CDYL2: variants seen among roughly 807,000 people sequenced by gnomAD.
CDYL2 encodes the protein chromodomain Y like 2, also known as chromodomain Y-like protein 2.
Under a neutral mutation model 49.4 loss-of-function variants are expected in CDYL2, and 23 were observed. The observed-to-expected ratio is 0.47, with a 90% CI of 0.34 to 0.66. The LOEUF (loss-of-function observed/expected upper bound fraction) is 0.66, where lower values mean the gene tolerates loss of function less well. Ranked by LOEUF, CDYL2 falls within the 30% of genes least tolerant of loss-of-function variation. The pLI, the probability that CDYL2 is intolerant of heterozygous loss-of-function variation, is 0.01. For missense variants in CDYL2, 678 were observed against 656.4 expected (o/e 1.03, Z -0.36); for synonymous variants, 360 against 268.8 (o/e 1.34, Z -3.32).
Position 80,608,216 on chromosome 16 carries a change from C to T in CDYL2, c.1238G>A (p.Cys413Tyr). The change falls in exon 6 of 7, where the codon TGT becomes TAT. Residue 413 changes from cysteine to tyrosine, a missense_variant. By Grantham distance (194) the Cys-to-Tyr change is radical. This residue lies in a region of CDYL2 where 153 missense variants were observed against 150.6 expected (regional missense o/e 1.02). Coordinates refer to ENST00000570137, the MANE Select transcript of CDYL2 (RefSeq NM_152342.4). ...GVALANEMLF[C>Y]GRKLTAQEAC... Reference sequence around the variant, plus strand: ...CTCCTGGGCGGTGAGCTTCCGCCCACAGAACAGCATCTCATTGGCCTGAAA... The same window carrying T: ...CTCCTGGGCGGTGAGCTTCCGCCCATAGAACAGCATCTCATTGGCCTGAAA... The T allele has an allele frequency of 1.3e-6, 2 of 1,583,520 alleles. No homozygotes were observed. The highest frequency in any genetic ancestry group is 1.7e-6 in the Non-Finnish European group (2 of 1,163,988).
chr16:80,773,694 C>A (rs1906985204), intron 1 of CDYL2, among the ~76,000 whole-genome samples: 2 of 151,656 alleles, frequency 1.3e-5, no homozygotes, highest in Non-Finnish European at 2.9e-5. Flanking sequence ...TACGTCGAAA[C>A]AAAAATGGAA....
chr16:80,773,547 G>A (rs954324986), intron 1 of CDYL2, among the ~76,000 whole-genome samples: 9 of 152,222 alleles, frequency 5.9e-5, no homozygotes, highest in African/African-American at 2.2e-4. Context: ...TTTACAAAAA[G>A]TAGTCCCACA....
At chr16:80,788,344 G>C (rs1356054551) in intron 1 of CDYL2, among the ~76,000 whole-genome samples, 3 of 152,184 alleles carry the variant, frequency 2.0e-5, no homozygotes, top group Non-Finnish European at 4.4e-5. Context: ...CATCCATTCA[G>C]ATTCAAAGAG....
chr16:80,656,391 C>T (rs537198873), intron 2 of CDYL2, among the ~76,000 whole-genome samples: 1 of 152,238 alleles, frequency 6.6e-6, no homozygotes, highest in Non-Finnish European at 1.5e-5. Flanking sequence ...GACGTCCAGT[C>T]GGGGGCACTG....
chr16:80,684,966 T>C lies in CDYL2; in HGVS notation c.188A>G (p.Asp63Gly). 6.2e-7 allele frequency: 1 copy of C among 1,614,188 alleles called. No homozygotes were observed. The highest frequency in any genetic ancestry group is 8.5e-7 in the Non-Finnish European group (1 of 1,180,026). Residue 63 changes from aspartate (D) to glycine (G), a missense_variant, in exon 2 of 7, where the codon GAC (aspartate) becomes GGC (glycine). Asp to Gly is a moderately conservative substitution (Grantham distance 94, BLOSUM62 -1). Transcript: ENST00000570137. ...DEFNGLHMSK[D>G]KRIKSGKQSS... ...CTGCTTCCCTGACTTGATCCTCTTG[T>C]CCTTGGACATGTGCAACCCATTGAA...
At chr16:80,794,402 G>T (rs1907704764) in intron 1 of CDYL2, among the ~76,000 whole-genome samples, 1 of 152,054 alleles carries the variant, frequency 6.6e-6, no homozygotes, top group South Asian at 2.1e-4. Context: ...AACCACTGTT[G>T]CTGAAATAGT....
chr16:80,624,313 T>C (rs1261406832), intron 3 of CDYL2, among the ~76,000 whole-genome samples: 1 of 152,202 alleles, frequency 6.6e-6, no homozygotes, highest in Non-Finnish European at 1.5e-5. Flanking sequence ...GCAAATAATT[T>C]ATTTTTGCTG....
rs1383356307 is a variant in CDYL2 at position 80,604,460 on chromosome 16, C to T, written c.1449G>A (p.Lys483=). ...GGCCTTTGGAGGAGCTCCAGAGCTG[C>T]TTGAGCATGAGGCATTCCTTCTCGT... is the stretch of plus-strand genomic sequence containing the variant. The part of the protein sequence containing the change: ...DVNEKECLML[K]QLWSSSKGLD... The change falls in exon 7 of 7, where the codon AAG becomes AAA. Residue 483 remains lysine, a synonymous_variant. Coordinates refer to ENST00000570137, the MANE Select transcript of CDYL2 (RefSeq NM_152342.4). 1.9e-6 allele frequency: 3 copies of T among 1,614,060 alleles called. No individual in the cohort carries two copies. Among genetic ancestry groups the T allele is most frequent in the Non-Finnish European group, 2.5e-6 (3 of 1,180,042 alleles).
At chr16:80,756,061 G>C (rs893670730) in intron 1 of CDYL2, among the ~76,000 whole-genome samples, 1 of 152,078 alleles carries the variant, frequency 6.6e-6, no homozygotes, top group Admixed American at 6.5e-5. Flanking sequence ...TCATAATAGT[G>C]ATATGGCCAA....
chr16:80,688,049 GC>G (rs1387705983), intron 1 of CDYL2, among the ~76,000 whole-genome samples: 1 of 152,184 alleles, frequency 6.6e-6, no homozygotes, highest in Non-Finnish European at 1.5e-5. Context: ...GCATAGTTGG[GC>G]TACATGAAAA....
At chr16:80,698,713 T>A (rs1181195534) in intron 1 of CDYL2, among the ~76,000 whole-genome samples, 2 of 152,152 alleles carry the variant, frequency 1.3e-5, no homozygotes, top group Admixed American at 1.3e-4. Flanking sequence ...CTTCTGCTCC[T>A]GCCATATAAG....
chr16:80,658,562 G>A (rs1908906135), intron 2 of CDYL2, among the ~76,000 whole-genome samples: 1 of 152,122 alleles, frequency 6.6e-6, no homozygotes, highest in African/African-American at 2.4e-5. Flanking sequence ...TGGAGAAATA[G>A]GATTCTCTCT....
intron 6 of CDYL2, among the ~76,000 whole-genome samples, chr16:80,606,621 A>G (rs1906345988): frequency 6.6e-6 from 1 of 152,176 alleles, no homozygotes; most frequent in South Asian, 2.1e-4. Flanking sequence ...CCCCAGGGTG[A>G]TCAACCACCC....
In CDYL2 at chr16:80,648,180, T is replaced by A. The variant is rs773824459; in HGVS notation, c.617-14944A>T. Among the ~76,000 whole-genome samples, 3 of 151,698 alleles carry A rather than the reference T, an allele frequency of 2.0e-5. No individual in the cohort carries two copies. In the East Asian group the frequency reaches 5.8e-4, roughly 29 times the overall value. On this transcript the variant is annotated intron_variant, in intron 2 of 6. Transcript: ENST00000570137. ...AAGATCAGAGTGGAAATAGATAAAA[T>A]TGAAAAGAAGAAAATACAAAAGATG...
chr16:80,694,930 G>A (rs970513268), intron 1 of CDYL2, among the ~76,000 whole-genome samples: 10 of 152,204 alleles, frequency 6.6e-5, no homozygotes, highest in East Asian at 3.8e-4. Flanking sequence ...AAGAGCTCCC[G>A]ATGGCCAAAA....
At chr16:80,614,891 A>T (rs1248049898) in intron 4 of CDYL2, among the ~76,000 whole-genome samples, 1 of 147,350 alleles carries the variant, frequency 6.8e-6, no homozygotes, top group Non-Finnish European at 1.5e-5. Context: ...AAAAAAAAAA[A>T]GTTGAGCTGA....
At chr16:80,680,719 GGGA>G (rs1909935720) in intron 2 of CDYL2, among the ~76,000 whole-genome samples, 2 of 152,168 alleles carry the variant, frequency 1.3e-5, no homozygotes, top group Admixed American at 6.5e-5. Context: ...TTCAAATCCA[GGGA>G]GTAAAGATGG....
In CDYL2 at chr16:80,601,923, T is replaced by C. The variant is rs775278638; in HGVS notation, c.*2465A>G. 13 of 152,214 alleles carry C rather than the reference T, an allele frequency of 8.5e-5. No homozygotes were observed. The highest frequency in any genetic ancestry group is 1.9e-4 in the Non-Finnish European group (13 of 68,040). 9.4% of individuals were successfully genotyped at this position (152,214 alleles called of 1,614,324 possible). ...TTGGATTTGATAGTACATCCAAAGC[T>C]GAAGCATTTCTAGTTCTTTCAAGCA... On this transcript the variant is annotated 3_prime_UTR_variant, in exon 7 of 7. Transcript: ENST00000570137.
rs372632123 is a variant in CDYL2, at chr16:80,764,047, C to G, written c.24+40103G>C. On this transcript the variant is annotated intron_variant, in intron 1 of 6. Coordinates refer to ENST00000570137, the MANE Select transcript of CDYL2 (RefSeq NM_152342.4). The stretch of plus-strand genomic sequence containing the variant: ...ATAAAAGGAATGAGATTATAAATAT[C>G]CAAAGGACAAGACAAAAAAAGTCTT... 4.4e-4 allele frequency among the ~76,000 whole-genome samples: 67 copies of G among 151,838 alleles called. No homozygotes were observed. In the Middle Eastern group the frequency reaches 0.01, roughly 23 times the overall value.
Sources: gnomAD v4.1 joint callset for allele counts (sites outside exome capture counted in the v4.1 genomes callset) on GRCh38, gnomAD v4.1.1 for gene constraint, gnomAD v4.1.1 regional missense constraint, MANE v1.5 for transcripts, NCBI Gene and HGNC (gene_info 2026-07-23, HGNC 2026-07-21) for gene names.